ZFP14: variants seen among roughly 807,000 people sequenced by gnomAD.
The protein encoded by ZFP14 is zinc finger protein 14 homolog.
A neutral mutation model predicts 54.5 loss-of-function variants in ZFP14; 22 were observed. That is an observed-to-expected ratio of 0.40 (90% CI 0.29 to 0.58). The LOEUF (loss-of-function observed/expected upper bound fraction) is 0.58. Ranked by LOEUF, ZFP14 falls within the 20% of genes least tolerant of loss-of-function variation. The pLI is 0.39. For missense variants in ZFP14, 470 were observed against 637.8 expected (o/e 0.74, Z 2.83); for synonymous variants, 159 against 204.0 (o/e 0.78, Z 1.88).
chr19:36,357,321 A>G (rs978296714), intron 4 of ZFP14, among the ~76,000 whole-genome samples: 1 of 152,102 alleles, frequency 6.6e-6, no homozygotes, highest in Non-Finnish European at 1.5e-5. Flanking sequence ...AGGATTACAG[A>G]TGTAAGCCAC....
chr19:36,358,448 T>C (rs537182769), intron 4 of ZFP14, among the ~76,000 whole-genome samples: 4 of 152,280 alleles, frequency 2.6e-5, no homozygotes, highest in African/African-American at 9.6e-5. Flanking sequence ...CATGACCTTA[T>C]TGTGATTTTT....
intron 4 of ZFP14, 108 bp downstream of exon 4, chr19:36,360,327 G>A (rs1448872321): frequency 2.2e-6 from 2 of 905,048 alleles, no homozygotes; most frequent in South Asian, 2.7e-5. Flanking sequence ...ATAGGCCAGG[G>A]GCTTTTTGAA....
intron 2 of ZFP14, among the ~76,000 whole-genome samples, chr19:36,364,556 G>A (rs1329478422): frequency 6.6e-6 from 1 of 152,106 alleles, no homozygotes; most frequent in Non-Finnish European, 1.5e-5. Flanking sequence ...TAAGAGCAGG[G>A]GAACTCATGG....
chr19:36,358,197 G>A (rs535287846), intron 4 of ZFP14, among the ~76,000 whole-genome samples: 4 of 149,060 alleles, frequency 2.7e-5, no homozygotes, highest in Non-Finnish European at 6.0e-5. Context: ...TGCAAACTCC[G>A]CCTCCCGGGT....
rs2031848777 is a variant in ZFP14 at position 36,369,525 on chromosome 19, C to T, written c.-79-1554G>A. Among the ~76,000 whole-genome samples the T allele has an allele frequency of 2.6e-5, 4 of 152,048 alleles. No individual in the cohort carries two copies. In the South Asian group the frequency reaches 8.3e-4, roughly 31 times the overall value. Reference sequence around the variant, plus strand: ...TCCAGGGTTCAAGCGTTTCTCCTGCCTCAGTCTTCCAAGTAGCTGGGATTA... The same window carrying T: ...TCCAGGGTTCAAGCGTTTCTCCTGCTTCAGTCTTCCAAGTAGCTGGGATTA... On this transcript the variant is annotated intron_variant, in intron 1 of 4. Coordinates refer to ENST00000270001, the MANE Select transcript of ZFP14 (RefSeq NM_020917.3).
intron 1 of ZFP14, among the ~76,000 whole-genome samples, chr19:36,377,166 C>T (rs928447960): frequency 2.6e-5 from 4 of 152,196 alleles, no homozygotes; most frequent in Non-Finnish European, 5.9e-5. Flanking sequence ...ATCAAACCAC[C>T]TCCTTTCCCT....
In ZFP14 at chr19:36,367,939, G is replaced by C; in HGVS notation, c.-47C>G. ...GGTCAGTCCTTTTCAAGATTTCTCT[G>C]TTGGAGAACTATGGAGTCCTGATAA... On this transcript the variant is annotated 5_prime_UTR_variant, in exon 2 of 5. Coordinates refer to ENST00000270001, the MANE Select transcript of ZFP14 (RefSeq NM_020917.3). 1 of 1,599,004 alleles carries C rather than the reference G, an allele frequency of 6.3e-7. No homozygotes were observed. The highest frequency in any genetic ancestry group is 8.5e-7 in the Non-Finnish European group (1 of 1,171,898).
At chr19:36,367,771 A>T (rs2031817594) in intron 2 of ZFP14, 113 bp downstream of exon 2, 2 of 1,273,622 alleles carry the variant, frequency 1.6e-6, no homozygotes, top group African/African-American at 3.0e-5. Context: ...GCCATGGAGC[A>T]GGTTCTTGGA....
intron 1 of ZFP14, among the ~76,000 whole-genome samples, chr19:36,376,923 A>G (rs2031972304): frequency 1.3e-5 from 2 of 152,274 alleles, no homozygotes; most frequent in Non-Finnish European, 2.9e-5. Flanking sequence ...CCCCTACTTT[A>G]GCTCCATAAC....
At chr19:36,366,587 G>A (rs1410627953) in intron 2 of ZFP14, among the ~76,000 whole-genome samples, 2 of 152,072 alleles carry the variant, frequency 1.3e-5, no homozygotes, top group Non-Finnish European at 2.9e-5. Flanking sequence ...CAAGTACTGG[G>A]ATTACAGGCA....
rs2031243201 is a variant in ZFP14 at position 36,338,290 on chromosome 19, AAATTCATTTG to A, written c.*1924_*1933del. ...ACAGGTGTGACCCCTGTGCCAGGCC[AAATTCATTTG>A]AATTTGATGAACTTCTGGTGACCCT... is the stretch of plus-strand genomic sequence containing the variant. On this transcript the variant is annotated 3_prime_UTR_variant, in exon 5 of 5. Transcript: ENST00000270001. 1 of 152,088 alleles carries A rather than the reference AAATTCATTTG, an allele frequency of 6.6e-6. No individual in the cohort carries two copies. Among genetic ancestry groups the A allele is most frequent in the Admixed American group, 6.6e-5 (1 of 15,264 alleles). 9.4% of individuals were successfully genotyped at this position (152,088 alleles called of 1,614,324 possible). A position where few individuals can be genotyped will look rare whatever the true frequency, so the allele number is the denominator to read the frequency against.
rs960491589 is a variant in ZFP14, at chr19:36,338,258, T to G, written c.*1966A>C. The G allele has an allele frequency of 2.0e-5, 3 of 152,168 alleles. No individual in the cohort carries two copies. Among genetic ancestry groups the G allele is most frequent in the African/African-American group, 7.2e-5 (3 of 41,456 alleles). 9.4% of individuals were successfully genotyped at this position (152,168 alleles called of 1,614,324 possible). A position where few individuals can be genotyped will look rare whatever the true frequency, so the allele number is the denominator to read the frequency against. ...CACCCACCTTGTCCTCCCAAAGTGC[T>G]GGGATTACAGGTGTGACCCCTGTGC... On this transcript the variant is annotated 3_prime_UTR_variant, in exon 5 of 5. Coordinates refer to ENST00000270001, the MANE Select transcript of ZFP14 (RefSeq NM_020917.3).
At chr19:36,368,998 T>C (rs925796801) in intron 1 of ZFP14, among the ~76,000 whole-genome samples, 8 of 152,164 alleles carry the variant, frequency 5.3e-5, no homozygotes, top group Non-Finnish European at 1.2e-4. Context: ...CACGCCCAGC[T>C]AATTTTTATA....
At chr19:36,378,385 A>G (rs2031996258) in intron 1 of ZFP14, 1 of 152,214 alleles carries the variant, frequency 6.6e-6, no homozygotes. Flanking sequence ...ACCTGGGGAG[A>G]AATCATGTTT....
rs2031312723 is a variant in ZFP14, at chr19:36,341,417, C to T, written c.409G>A (p.Glu137Lys). ...SKIEGEKEQQEGYFGQVKITS... is the reference protein window; with the variant it reads ...SKIEGEKEQQKGYFGQVKITS... ...ATTTTCACTTGCCCAAAATATCCCTCTTGTTGTTCCTTTTCCCCCTCAATC... is the reference window on the plus strand; with the variant it reads ...ATTTTCACTTGCCCAAAATATCCCTTTTGTTGTTCCTTTTCCCCCTCAATC... Residue 137 changes from glutamate (E) to lysine (K), a missense_variant, in exon 5 of 5, where the codon GAG becomes AAG. By Grantham distance (56) the Glu-to-Lys change is moderately conservative (BLOSUM62 1). Coordinates refer to ENST00000270001, the MANE Select transcript of ZFP14 (RefSeq NM_020917.3). This position sits in a 1 kb window ranked among gnomAD's most constrained non-coding sequence, Gnocchi z 4.2. 6.2e-7 allele frequency: 1 copy of T among 1,614,014 alleles called. No individual in the cohort carries two copies. Among genetic ancestry groups the T allele is most frequent in the South Asian group, 1.1e-5 (1 of 91,052 alleles).
chr19:36,334,473 TTA>T lies in ZFP14; in HGVS notation c.*5749_*5750del, dbSNP rs2031154032. On this transcript the variant is annotated 3_prime_UTR_variant, in exon 5 of 5. Transcript: ENST00000270001. ...CAAAATGATATTCAATATAGCATCT[TTA>T]TTACCACAGAAACTCATTTATGTCC... is the stretch of plus-strand genomic sequence containing the variant. 1 of 152,188 alleles carries T rather than the reference TTA, an allele frequency of 6.6e-6. No individual in the cohort carries two copies. The highest frequency in any genetic ancestry group is 1.5e-5 in the Non-Finnish European group (1 of 68,026). 9.4% of individuals were successfully genotyped at this position (152,188 alleles called of 1,614,324 possible). A position where few individuals can be genotyped will look rare whatever the true frequency, so the allele number is the denominator to read the frequency against.
intron 4 of ZFP14, among the ~76,000 whole-genome samples, chr19:36,354,896 C>A (rs768993507): frequency 4.2e-5 from 6 of 143,158 alleles, no homozygotes; most frequent in Non-Finnish European, 7.8e-5. Context: ...GTCTCGAACT[C>A]CTGGCCTCAA....
At chr19:36,349,597 G>T (rs1348714211) in intron 4 of ZFP14, among the ~76,000 whole-genome samples, 4 of 150,694 alleles carry the variant, frequency 2.7e-5, no homozygotes, top group Non-Finnish European at 4.4e-5. Context: ...ACCTCAGGAG[G>T]CAGAGGCCAC....
intron 4 of ZFP14, among the ~76,000 whole-genome samples, chr19:36,353,190 A>G (rs10402043): frequency 0.58 from 81,375 of 140,804 alleles, 28,541 homozygotes; most frequent in African/African-American, 0.62. Context: ...CAGTACAAGC[A>G]CAGTAAGGGA....
Sources: gnomAD v4.1 joint callset for allele counts (sites outside exome capture counted in the v4.1 genomes callset) on GRCh38, gnomAD v4.1.1 for gene constraint, Gnocchi (gnomAD v3.1) non-coding constraint, MANE v1.5 for transcripts, NCBI Gene and HGNC (gene_info 2026-07-23, HGNC 2026-07-21) for gene names.